RALGAPB: variants seen among roughly 807,000 people sequenced by gnomAD.
RALGAPB encodes the protein Ral GTPase activating protein non-catalytic subunit beta, also known as ral GTPase-activating protein subunit beta.
A neutral mutation model predicts 161.1 loss-of-function variants in RALGAPB; 25 were observed. That is an observed-to-expected ratio of 0.16 (90% CI 0.11 to 0.22). The LOEUF is 0.22. Ranked by LOEUF, RALGAPB falls within the 10% of genes least tolerant of loss-of-function variation. The pLI is 1.00. For missense variants in RALGAPB, 1,391 were observed against 1,815.2 expected (o/e 0.77, Z 4.25); for synonymous variants, 629 against 626.1 (o/e 1.00, Z -0.07).
chr20:38,494,102 T>A (rs1398951994), intron 3 of RALGAPB, among the ~76,000 whole-genome samples: 1 of 152,224 alleles, frequency 6.6e-6, no homozygotes, highest in Admixed American at 6.5e-5. Flanking sequence ...ACACCTTCTC[T>A]GAACCTATAT....
chr20:38,573,300 C>G (rs2088308723), intron 28 of RALGAPB, among the ~76,000 whole-genome samples: 1 of 151,426 alleles, frequency 6.6e-6, no homozygotes, highest in South Asian at 2.1e-4. Context: ...CAGAATTACT[C>G]AAGGATTGAT....
intron 1 of RALGAPB, among the ~76,000 whole-genome samples, chr20:38,480,615 G>T (rs1461601771): frequency 6.6e-6 from 1 of 151,522 alleles, no homozygotes; most frequent in South Asian, 2.1e-4. Flanking sequence ...TTGAACTCCT[G>T]ACCTCAGGTG....
At chr20:38,531,925 A>C (rs1057200568) in intron 14 of RALGAPB, among the ~76,000 whole-genome samples, 3 of 152,242 alleles carry the variant, frequency 2.0e-5, no homozygotes, top group African/African-American at 7.2e-5. Context: ...AGGGAAGTCT[A>C]ACAGATAGGT....
chr20:38,505,206 GA>G (rs1432022434), intron 5 of RALGAPB, among the ~76,000 whole-genome samples: 2 of 152,198 alleles, frequency 1.3e-5, no homozygotes, highest in African/African-American at 4.8e-5. Flanking sequence ...ACTGGGTAAA[GA>G]AAATGTGGCA....
chr20:38,507,124 T>C (rs1416026012), intron 5 of RALGAPB, among the ~76,000 whole-genome samples: 2 of 152,212 alleles, frequency 1.3e-5, no homozygotes, highest in Non-Finnish European at 2.9e-5. Context: ...ATACCTATCA[T>C]TCAGAGCCAA....
chr20:38,511,730 C>G (rs1181265106), intron 6 of RALGAPB, among the ~76,000 whole-genome samples: 1 of 152,248 alleles, frequency 6.6e-6, no homozygotes, highest in African/African-American at 2.4e-5. Context: ...ATGTCTACTT[C>G]TTTCTACACA....
chr20:38,521,834 A>T (rs2086299807), intron 10 of RALGAPB, 136 bp downstream of exon 10: 2 of 927,186 alleles, frequency 2.2e-6, no homozygotes, highest in South Asian at 3.6e-5. Flanking sequence ...ATTTGCCTGA[A>T]ATCTTTCATT....
rs142657544 is a variant in RALGAPB, at chr20:38,563,571, A to T, written c.3697+874A>T. Among the ~76,000 whole-genome samples, 340 of 152,300 alleles carry T rather than the reference A, an allele frequency of 2.2e-3. 1 individual carries two copies. Among genetic ancestry groups the T allele is most frequent in the African/African-American group, 7.9e-3 (329 of 41,568 alleles). On this transcript the variant is annotated intron_variant, in intron 24 of 29. Transcript: ENST00000262879. Reference sequence around the variant, plus strand: ...TTAAGACCTTTGCCCCACCTGGCTAATGCTTTCTGTTCCTGGGCTCCTGAG... The same window carrying T: ...TTAAGACCTTTGCCCCACCTGGCTATTGCTTTCTGTTCCTGGGCTCCTGAG...
At chr20:38,564,810 A>C (rs1392255259) in intron 24 of RALGAPB, among the ~76,000 whole-genome samples, 1 of 151,938 alleles carries the variant, frequency 6.6e-6, no homozygotes, top group Non-Finnish European at 1.5e-5. Flanking sequence ...GAGTCCAGAG[A>C]TAACGCACAT....
intron 26 of RALGAPB, among the ~76,000 whole-genome samples, chr20:38,568,228 A>G (rs1389620845): frequency 6.6e-6 from 1 of 151,848 alleles, no homozygotes; most frequent in Non-Finnish European, 1.5e-5. Context: ...TGTACTTTGC[A>G]GACACTAACA....
chr20:38,522,527 C>T (rs1015902142), intron 10 of RALGAPB, among the ~76,000 whole-genome samples: 6 of 152,132 alleles, frequency 3.9e-5, no homozygotes, highest in African/African-American at 1.4e-4. Flanking sequence ...AATGGCCTCC[C>T]GTTCTTCTTG....
Position 38,525,963 on chromosome 20 carries a change from C to T in RALGAPB, c.1971C>T (p.Ser657=), listed in dbSNP as rs749518469. The change falls in exon 13 of 30, where the codon TCC becomes TCT. Residue 657 remains serine, a synonymous_variant. Transcript: ENST00000262879. ...ATGATAAACCAATAACTTTTCTGTC[C>T]CTGAAGTTGAGACTTGTGAATATAT... ...SSYDKPITFL[S]LKLRLVNILI... 6.2e-7 allele frequency: 1 copy of T among 1,613,484 alleles called. No individual in the cohort carries two copies. The highest frequency in any genetic ancestry group is 1.3e-5 in the African/African-American group (1 of 74,828).
Position 38,576,573 on chromosome 20 carries a change from C to T in RALGAPB, c.*1606C>T, listed in dbSNP as rs1488812311. 7.2e-5 allele frequency: 11 copies of T among 152,154 alleles called. No homozygotes were observed. Among genetic ancestry groups the T allele is most frequent in the African/African-American group, 2.7e-4 (11 of 41,426 alleles). The allele number at this position is 152,154 out of a possible 1,614,324, so 9.4% of individuals were successfully genotyped here. On this transcript the variant is annotated 3_prime_UTR_variant, in exon 30 of 30. Coordinates refer to ENST00000262879, the MANE Select transcript of RALGAPB (RefSeq NM_020336.4). Reference sequence around the variant, plus strand: ...CCTCCTCTTTCTATGACTCCAGTTTCCATTCAGGTTATAGTATTATTCAAT... The same window carrying T: ...CCTCCTCTTTCTATGACTCCAGTTTTCATTCAGGTTATAGTATTATTCAAT...
chr20:38,496,602 C>T (rs1387528318), intron 3 of RALGAPB, among the ~76,000 whole-genome samples: 1 of 152,186 alleles, frequency 6.6e-6, no homozygotes, highest in Non-Finnish European at 1.5e-5. Flanking sequence ...CCTCTATCTT[C>T]ATCTTCAGTC....
intron 10 of RALGAPB, among the ~76,000 whole-genome samples, chr20:38,523,350 T>C (rs1460790705): frequency 6.6e-6 from 1 of 152,172 alleles, no homozygotes; most frequent in Non-Finnish European, 1.5e-5. Context: ...TGTGGGGGCA[T>C]GTTTCTCAGG....
chr20:38,490,334 G>A (rs776509013), intron 2 of RALGAPB, among the ~76,000 whole-genome samples: 151 of 151,984 alleles, frequency 9.9e-4, no homozygotes, highest in Admixed American at 2.6e-3. Context: ...TCAGCCTCTC[G>A]AGTAGCTGGG....
rs372474527 is a variant in RALGAPB, at chr20:38,535,218, C to T, written c.2379+11C>T. The T allele has an allele frequency of 1.2e-6, 2 of 1,613,762 alleles. No homozygotes were observed. Among genetic ancestry groups the T allele is most frequent in the Admixed American group, 1.7e-5 (1 of 59,980 alleles). ...TCTGGCCTTGCAAAGGTGAGGAAGA[C>T]AGTCCTTTTATTTTAACCCAACAGC... On this transcript the variant is annotated intron_variant, in intron 16 of 29. Coordinates refer to ENST00000262879, the MANE Select transcript of RALGAPB (RefSeq NM_020336.4).
intron 4 of RALGAPB, 146 bp from the exon 5 acceptor site, chr20:38,499,301 A>T: frequency 1.2e-6 from 1 of 801,398 alleles, no homozygotes; most frequent in Non-Finnish European, 1.9e-6. Flanking sequence ...ATTGCTTCTC[A>T]TTTTTACTAT....
chr20:38,513,536 G>C (rs972713510), intron 6 of RALGAPB, among the ~76,000 whole-genome samples: 1 of 151,730 alleles, frequency 6.6e-6, no homozygotes, highest in Admixed American at 6.6e-5. Flanking sequence ...TGTAATCCTA[G>C]CTACTCAGGA....
Sources: gnomAD v4.1 joint callset for allele counts (sites outside exome capture counted in the v4.1 genomes callset) on GRCh38, gnomAD v4.1.1 for gene constraint, MANE v1.5 for transcripts, NCBI Gene and HGNC (gene_info 2026-07-23, HGNC 2026-07-21) for gene names.